Variants in RYR2 observed in about 807,000 individuals in gnomAD.
RYR2 encodes cardiac muscle ryanodine receptor-calcium release channel.
Under a neutral mutation model 601.1 loss-of-function variants are expected in RYR2, and 227 were observed. The ratio of observed to expected loss-of-function variants is 0.38; its 90% CI spans 0.34 to 0.42. RYR2 has a LOEUF of 0.42. RYR2 is among the 10% of genes least tolerant of loss of function. RYR2 has a pLI of 1.00. For synonymous variants in RYR2, 2,223 were observed against 2,175.1 expected (o/e 1.02, Z -0.61); for missense variants, 4,646 against 6,156.5 (o/e 0.75, Z 8.21).
At chr1:237,732,841 A>G (rs1690808619) in intron 78 of RYR2, among the ~76,000 whole-genome samples, 1 of 152,202 alleles carries the variant, frequency 6.6e-6, no homozygotes, top group Non-Finnish European at 1.5e-5. Context: ...GCAATGGGAA[A>G]GAAAGCCTGT....
intron 1 of RYR2, among the ~76,000 whole-genome samples, chr1:237,060,665 A>G (rs888950829): frequency 6.6e-6 from 1 of 152,224 alleles, no homozygotes; most frequent in Admixed American, 6.5e-5. Context: ...TGGAATGACA[A>G]TGCAATATGC....
intron 17 of RYR2, among the ~76,000 whole-genome samples, chr1:237,482,831 G>T (rs1199040655): frequency 6.6e-6 from 1 of 152,128 alleles, no homozygotes; most frequent in African/African-American, 2.4e-5. Context: ...GTGCAGGAGG[G>T]TTCCCTTTTC....
intron 4 of RYR2, among the ~76,000 whole-genome samples, chr1:237,356,528 T>G (rs1409396861): frequency 3.9e-5 from 6 of 151,918 alleles, no homozygotes; most frequent in Admixed American, 3.9e-4. Context: ...CCTCCCAAAG[T>G]GCTGGGATTA....
intron 1 of RYR2, among the ~76,000 whole-genome samples, chr1:237,099,435 G>C (rs529979112): frequency 6.6e-6 from 1 of 152,136 alleles, no homozygotes; most frequent in African/African-American, 2.4e-5. Flanking sequence ...ATGAGGTCTT[G>C]CTATGTTGTC....
At chr1:237,791,064 C>T (rs955426919) in intron 92 of RYR2, among the ~76,000 whole-genome samples, 11 of 152,156 alleles carry the variant, frequency 7.2e-5, no homozygotes, top group African/African-American at 2.4e-4. Context: ...ACTTGCTCCC[C>T]GCTTGTGCAT....
intron 90 of RYR2, among the ~76,000 whole-genome samples, chr1:237,785,584 G>A (rs548796283): frequency 7.2e-5 from 11 of 152,188 alleles, no homozygotes; most frequent in Non-Finnish European, 1.5e-4. Context: ...AGGGCAGTAG[G>A]GGTTGCTTAT....
intron 25 of RYR2, among the ~76,000 whole-genome samples, chr1:237,542,772 C>T (rs947477319): frequency 3.3e-5 from 5 of 152,112 alleles, no homozygotes; most frequent in African/African-American, 1.2e-4. Flanking sequence ...GCCCCATCAG[C>T]CTGGAATTAG....
intron 1 of RYR2, among the ~76,000 whole-genome samples, chr1:237,160,973 C>A (rs184476417): frequency 6.6e-6 from 1 of 151,986 alleles, no homozygotes; most frequent in Non-Finnish European, 1.5e-5. Context: ...ATTAGAGGTA[C>A]GGCCCACGGC....
intron 5 of RYR2, among the ~76,000 whole-genome samples, chr1:237,367,040 C>A (rs948785296): frequency 1.3e-5 from 2 of 152,106 alleles, no homozygotes; most frequent in Non-Finnish European, 2.9e-5. Flanking sequence ...AGATTTTTCC[C>A]TTTTCTTCTC....
At chr1:237,057,894 G>A (rs540533995) in intron 1 of RYR2, among the ~76,000 whole-genome samples, 161 of 152,232 alleles carry the variant, frequency 1.1e-3, no homozygotes, top group Non-Finnish European at 1.8e-3. Context: ...GAGCACATAC[G>A]ATTTTCATTT....
intron 62 of RYR2, among the ~76,000 whole-genome samples, chr1:237,684,842 G>A (rs1017651175): frequency 3.3e-5 from 5 of 151,200 alleles, no homozygotes; most frequent in African/African-American, 9.7e-5. Flanking sequence ...AGAGAAAGAG[G>A]CAAAAGGTTT....
intron 1 of RYR2, among the ~76,000 whole-genome samples, chr1:237,055,567 T>C (rs1661892544): frequency 1.3e-5 from 2 of 152,148 alleles, no homozygotes; most frequent in Admixed American, 1.3e-4. Flanking sequence ...GGTAACTGAT[T>C]AGATACAAGA....
At chr1:237,346,367 C>CAAAAAAAAAAAAAAAAAAA (rs397975831) in intron 3 of RYR2, among the ~76,000 whole-genome samples, 26 of 62,344 alleles carry the variant, frequency 4.2e-4, no homozygotes, top group African/African-American at 5.6e-4. Flanking sequence ...GGGTCTACCT[C>CAAAAAAAAAAAAAAAAAAA]AAAAAAAAAA....
At chr1:237,262,245 G>GTTTTTTGTTTT (rs1688600906) in intron 1 of RYR2, among the ~76,000 whole-genome samples, 1 of 61,102 alleles carries the variant, frequency 1.6e-5, no homozygotes, top group East Asian at 1.0e-3. Context: ...GTTCTAAAGA[G>GTTTTTTGTTTT]TTTTTTTTTT....
chr1:237,376,966 A>T (rs1324543158), intron 7 of RYR2, among the ~76,000 whole-genome samples: 1 of 152,210 alleles, frequency 6.6e-6, no homozygotes. Flanking sequence ...AAAAAACAAG[A>T]TGATTTTATA....
chr1:237,434,205 T>A (rs946233772), intron 12 of RYR2, among the ~76,000 whole-genome samples: 5 of 152,216 alleles, frequency 3.3e-5, no homozygotes, highest in African/African-American at 1.2e-4. Context: ...ATTTTAAAGG[T>A]GAGACTGGCT....
intron 54 of RYR2, 135 bp downstream of exon 54, chr1:237,658,157 T>A: frequency 2.2e-6 from 1 of 455,946 alleles, no homozygotes; most frequent in Non-Finnish European, 3.9e-6. Context: ...TTAATTACAA[T>A]TAGCTTATAT....
intron 55 of RYR2, 141 bp from the exon 56 acceptor site, chr1:237,660,669 C>A: frequency 1.4e-6 from 1 of 715,866 alleles, no homozygotes; most frequent in African/African-American, 1.8e-5. Flanking sequence ...CAGAATTTTA[C>A]TTTCCTTTTT....
chr1:237,465,862 GT>G (rs1340970782), intron 16 of RYR2, among the ~76,000 whole-genome samples: 1 of 152,222 alleles, frequency 6.6e-6, no homozygotes, highest in African/African-American at 2.4e-5. Context: ...AAAAGGTACA[GT>G]AAAAATATAG....
Sources: allele counts gnomAD v4.1 joint callset (sites outside exome capture counted in the v4.1 genomes callset), GRCh38; gene constraint gnomAD v4.1.1; transcripts MANE v1.5; gene names NCBI Gene and HGNC (gene_info 2026-07-23, HGNC 2026-07-21).